Variants in OTC observed in about 807,000 individuals in gnomAD.
OTC encodes ornithine transcarbamylase, mitochondrial.
A neutral mutation model predicts 30.3 loss-of-function variants in OTC; 3 were observed. That is an observed-to-expected ratio of 0.10 (90% CI 0.05 to 0.26). The LOEUF is 0.26. Among genes scored for constraint, OTC ranks in the 10% least tolerant of loss-of-function variants. OTC has a pLI of 1.00. For synonymous variants in OTC, 111 were observed against 99.7 expected (o/e 1.11, Z -0.67); for missense variants, 194 against 260.3 (o/e 0.75, Z 1.75).
chrX:38,384,813 A>G (rs1177137665), intron 4 of OTC, among the ~76,000 whole-genome samples: 1 of 112,094 alleles, frequency 8.9e-6, no homozygotes, highest in Non-Finnish European at 1.9e-5. Context: ...AAAGAAAAAA[A>G]AAGAAAGAAA....
chrX:38,371,352 C>T (rs2068322013), intron 3 of OTC, among the ~76,000 whole-genome samples: 1 of 111,541 alleles, frequency 9.0e-6, no homozygotes, highest in Admixed American at 9.6e-5. Context: ...CAAATTGCCT[C>T]TTTTCTTTCT....
chrX:38,418,328 G>T, intron 9 of OTC, among the ~76,000 whole-genome samples: 1 of 111,313 alleles, frequency 9.0e-6, no homozygotes, highest in Non-Finnish European at 1.9e-5. Context: ...TTTTTAATCA[G>T]GTTGTTTTCT....
chrX:38,368,312 A>C (rs926499402), intron 2 of OTC, among the ~76,000 whole-genome samples: 1 of 111,669 alleles, frequency 9.0e-6, no homozygotes, highest in African/African-American at 3.3e-5. Context: ...GTGAGCCAAG[A>C]TCGTGCCATT....
chrX:38,386,028 A>G (rs1038635253), intron 4 of OTC, among the ~76,000 whole-genome samples: 16 of 109,907 alleles, frequency 1.5e-4, no homozygotes, highest in Non-Finnish European at 3.8e-5. Flanking sequence ...CAGAGGTTGC[A>G]GTGAGCCCAG....
intron 6 of OTC, among the ~76,000 whole-genome samples, chrX:38,404,423 G>T (rs1311253441): frequency 1.8e-5 from 2 of 111,906 alleles, no homozygotes; most frequent in East Asian, 5.6e-4. Context: ...ATAGAGGTAG[G>T]AGGGACACTT....
intron 6 of OTC, among the ~76,000 whole-genome samples, chrX:38,405,557 ACT>A (rs773784925): frequency 1.7e-3 from 191 of 109,510 alleles, no homozygotes; most frequent in African/African-American, 5.9e-3. Flanking sequence ...ATCTGGAAAG[ACT>A]CTATTTCCAC....
intron 2 of OTC, 73 bp downstream of exon 2, chrX:38,367,502 G>A: frequency 3.2e-6 from 3 of 929,350 alleles, no homozygotes; most frequent in Admixed American, 2.4e-5. Context: ...CCCAAAGAAA[G>A]AGGGAAAAAA....
At chrX:38,355,411 CTTTCTT>C (rs2068235850) in intron 1 of OTC, among the ~76,000 whole-genome samples, 1 of 112,247 alleles carries the variant, frequency 8.9e-6, no homozygotes, top group Admixed American at 9.4e-5. Flanking sequence ...AAAAAAATCT[CTTTCTT>C]TATCAGAAAA....
intron 3 of OTC, among the ~76,000 whole-genome samples, chrX:38,373,072 G>T (rs1423962776): frequency 1.8e-5 from 2 of 111,951 alleles, no homozygotes; most frequent in Non-Finnish European, 3.8e-5. Context: ...ACAGAAAAGT[G>T]CACAAATCAT....
chrX:38,398,597 C>G (rs955169877), intron 4 of OTC, among the ~76,000 whole-genome samples: 1 of 110,705 alleles, frequency 9.0e-6, no homozygotes, highest in African/African-American at 3.3e-5. Flanking sequence ...ACCCCTCTGC[C>G]CCCACCCTCT....
the OTC span, among the ~76,000 whole-genome samples, chrX:38,339,697 C>T: frequency 1.8e-5 from 2 of 110,903 alleles, no homozygotes; most frequent in Non-Finnish European, 3.8e-5. Flanking sequence ...ACCTTACTTA[C>T]CCTTTAACGT....
intron 6 of OTC, among the ~76,000 whole-genome samples, chrX:38,405,480 T>C (rs1245904415): frequency 2.7e-5 from 3 of 110,681 alleles, no homozygotes; most frequent in African/African-American, 9.9e-5. Flanking sequence ...CCTCTTCTTA[T>C]AGGGACACCA....
chrX:38,398,633 T>C (rs2068469179), intron 4 of OTC, among the ~76,000 whole-genome samples: 1 of 110,447 alleles, frequency 9.1e-6, no homozygotes, highest in Non-Finnish European at 1.9e-5. Flanking sequence ...TTTCTTGGGG[T>C]TTTAGACATC....
At chrX:38,392,866 A>G (rs1423647403) in intron 4 of OTC, among the ~76,000 whole-genome samples, 1 of 112,469 alleles carries the variant, frequency 8.9e-6, no homozygotes, top group Non-Finnish European at 1.9e-5. Flanking sequence ...CTACAGGGAT[A>G]TTCCGCACTC....
chrX:38,420,927 C>A, intron 9 of OTC, 96 bp from the exon 10 acceptor site: 1 of 594,161 alleles, frequency 1.7e-6, no homozygotes, highest in Non-Finnish European at 2.9e-6. Context: ...TTAACTGTAA[C>A]CCTGCAAAGC....
the OTC span, among the ~76,000 whole-genome samples, chrX:38,346,130 A>G: frequency 8.9e-6 from 1 of 111,902 alleles, no homozygotes; most frequent in East Asian, 2.8e-4. Flanking sequence ...TCAAAAGAAA[A>G]AAAAGGTAGG....
At chrX:38,413,607 T>G (rs941591928) in intron 9 of OTC, among the ~76,000 whole-genome samples, 1 of 111,069 alleles carries the variant, frequency 9.0e-6, no homozygotes, top group Non-Finnish European at 1.9e-5. Flanking sequence ...GGGGGTCTTG[T>G]TAAGGTGCAG....
intron 8 of OTC, among the ~76,000 whole-genome samples, chrX:38,410,998 A>G (rs1334861090): frequency 9.0e-6 from 1 of 111,712 alleles, no homozygotes; most frequent in Non-Finnish European, 1.9e-5. Context: ...AACTTTCAGC[A>G]ATTAACTGTT....
chrX:38,347,888 A>C (rs1346193530), upstream of OTC, among the ~76,000 whole-genome samples: 2 of 111,617 alleles, frequency 1.8e-5, no homozygotes, highest in African/African-American at 6.5e-5. Context: ...CCTTTATATC[A>C]CATTGATTCC....
Sources: allele counts gnomAD v4.1 joint callset (sites outside exome capture counted in the v4.1 genomes callset), GRCh38; gene constraint gnomAD v4.1.1; transcripts MANE v1.5; gene names NCBI Gene and HGNC (gene_info 2026-07-23, HGNC 2026-07-21).